AP3D1: variants seen among roughly 807,000 people sequenced by gnomAD.
The protein encoded by AP3D1 is AP-3 complex subunit delta-1.
AP3D1 carries 51 observed loss-of-function variants against 147.6 expected under a neutral mutation model. The ratio of observed to expected loss-of-function variants is 0.35; its 90% CI spans 0.28 to 0.44. The LOEUF is 0.44. AP3D1 is among the 20% of genes least tolerant of loss of function. The pLI is 1.00. For synonymous variants in AP3D1, 760 were observed against 663.0 expected, an observed-to-expected ratio of 1.15 and a Z score of -2.25; for missense variants, 1,421 against 1,624.2, an observed-to-expected ratio of 0.87 and a Z score of 2.15.
intron 1 of AP3D1, among the ~76,000 whole-genome samples, chr19:2,158,197 A>G (rs1261194203): frequency 1.3e-5 from 2 of 152,022 alleles, no homozygotes; most frequent in African/African-American, 2.4e-5. Flanking sequence ...CTGGGACTAC[A>G]GGCACCCGCC....
chr19:2,105,807 T>C (rs2018094685), intron 31 of AP3D1, among the ~76,000 whole-genome samples: 1 of 152,164 alleles, frequency 6.6e-6, no homozygotes, highest in Non-Finnish European at 1.5e-5. Flanking sequence ...GCAGAATGGC[T>C]GCCGTCAGCC....
At chr19:2,153,901 C>T (rs146657690), upstream of AP3D1, among the ~76,000 whole-genome samples, 3 of 82,756 alleles carry the variant, frequency 3.6e-5, no homozygotes, top group Non-Finnish European at 7.9e-5. Flanking sequence ...AATGCAGTGG[C>T]GCGATCTCCG....
chr19:2,119,647 G>C (rs2018554788), intron 14 of AP3D1, among the ~76,000 whole-genome samples: 1 of 130,004 alleles, frequency 7.7e-6, no homozygotes, highest in Non-Finnish European at 1.5e-5. Context: ...AGTGAGCCGA[G>C]ATCATGCCAC....
At chr19:2,148,539 T>C (rs906919815) in intron 1 of AP3D1, among the ~76,000 whole-genome samples, 1 of 152,236 alleles carries the variant, frequency 6.6e-6, no homozygotes, top group Non-Finnish European at 1.5e-5. Flanking sequence ...GCCTGAGGAC[T>C]GGAAAACAGT....
In AP3D1 at chr19:2,132,657, G is replaced by C. The variant is rs560676981; in HGVS notation, c.355-79C>G. The C allele has an allele frequency of 4.7e-5, 61 of 1,293,202 alleles. 2 individuals carry two copies. In the South Asian group the frequency reaches 7.4e-4, roughly 16 times the overall value. The allele number at this position is 1,293,202 out of a possible 1,614,324, so 80.1% of individuals were successfully genotyped here. ...ACGCCTGGGTCACCAGGAGCAGCAGGAGCGAAATTCTCCCAGGATGCCCCA... is the reference window on the plus strand; with the variant it reads ...ACGCCTGGGTCACCAGGAGCAGCAGCAGCGAAATTCTCCCAGGATGCCCCA... On this transcript the variant is annotated intron_variant, in intron 4 of 31. Transcript: ENST00000643116.
intron 1 of AP3D1, among the ~76,000 whole-genome samples, chr19:2,140,782 C>G (rs1268522513): frequency 8.7e-6 from 1 of 114,658 alleles, no homozygotes; most frequent in African/African-American, 3.2e-5. Flanking sequence ...TTTTTTGAGA[C>G]GGAGTCTCGC....
intron 1 of AP3D1, among the ~76,000 whole-genome samples, chr19:2,139,972 G>T (rs978868751): frequency 2.0e-5 from 3 of 152,016 alleles, no homozygotes; most frequent in Admixed American, 6.6e-5. Context: ...GAGTGGGGGG[G>T]TGGGGGAGGG....
rs769098920 is a variant in AP3D1, at chr19:2,120,895, T to C, written c.1448A>G (p.Tyr483Cys). Reference sequence around the variant, plus strand: ...CTCCCCGCAGATCCAGGCGGCAGCGTACAGCACCTCACAGATCCCGTTCCG... The same window carrying C: ...CTCCCCGCAGATCCAGGCGGCAGCGCACAGCACCTCACAGATCCCGTTCCG... ...TQRNGICEVLYAAAWICGEFS... is the reference protein window; with the variant it reads ...TQRNGICEVLCAAAWICGEFS... The change falls in exon 14 of 32, where the codon TAC (tyrosine) becomes TGC (cysteine). Residue 483 changes from tyrosine (Y) to cysteine (C), a missense_variant. By Grantham distance (194) the Tyr-to-Cys change is radical (BLOSUM62 -2). Coordinates refer to ENST00000643116, the MANE Select transcript of AP3D1 (RefSeq NM_001261826.3). The C allele has an allele frequency of 1.9e-5, 30 of 1,610,944 alleles. No homozygotes were observed. Among genetic ancestry groups the C allele is most frequent in the Non-Finnish European group, 2.4e-5 (28 of 1,180,010 alleles).
In AP3D1 at chr19:2,120,957, C is replaced by G; in HGVS notation, c.1386G>C (p.Leu462=). ...TGGCCAGCAGGTGTGCACTGTCAAG[C>G]AGCGCAGACATCTGGGACACGGCGA... is the stretch of plus-strand genomic sequence containing the variant. ...RKFAVSQMSA[L]LDSAHLLASS... Residue 462 remains leucine, a synonymous_variant, in exon 14 of 32, where the codon CTG becomes CTC. Transcript: ENST00000643116. 1 of 1,612,142 alleles carries G rather than the reference C, an allele frequency of 6.2e-7. No homozygotes were observed. Among genetic ancestry groups the G allele is most frequent in the South Asian group, 1.1e-5 (1 of 91,086 alleles).
intron 9 of AP3D1, among the ~76,000 whole-genome samples, chr19:2,126,531 A>ATAGTCCCTGCTACTCGGGAGGCTGAGG (rs2018759800): frequency 6.6e-6 from 1 of 151,694 alleles, no homozygotes; most frequent in African/African-American, 2.4e-5. Flanking sequence ...GCGGGCGCCT[A>ATAGTCCCTGCTACTCGGGAGGCTGAGG]TAGTCCCTGC....
At chr19:2,138,806 A>G in intron 1 of AP3D1, 92 bp from the exon 2 acceptor site, 1 of 904,568 alleles carries the variant, frequency 1.1e-6, no homozygotes. Context: ...TCACGCCTGT[A>G]ATCCCAGCAC....
At chr19:2,106,409 C>T (rs1011961500) in intron 31 of AP3D1, among the ~76,000 whole-genome samples, 2 of 152,016 alleles carry the variant, frequency 1.3e-5, no homozygotes, top group East Asian at 1.9e-4. Context: ...ATTAGTGGGG[C>T]GAGGTGGCAT....
rs149796851 is a variant in AP3D1, at chr19:2,136,191, C to T, written c.354+820G>A. ...CCCAGCTCTATAACCTTGCCCACAA[C>T]GGTGAGCCCAGCAGAGCCAACAGTC... is the stretch of plus-strand genomic sequence containing the variant. On this transcript the variant is annotated intron_variant, in intron 4 of 31. Transcript: ENST00000643116. 6.1e-3 allele frequency among the ~76,000 whole-genome samples: 935 copies of T among 152,374 alleles called. 3 individuals are homozygous for T. The highest frequency in any genetic ancestry group is 0.014 in the Middle Eastern group (4 of 294).
At chr19:2,142,041 CAG>C (rs910235253) in intron 1 of AP3D1, among the ~76,000 whole-genome samples, 16 of 151,080 alleles carry the variant, frequency 1.1e-4, no homozygotes, top group African/African-American at 3.7e-4. Flanking sequence ...TCTTTTGAGA[CAG>C]AGTTTTGCTC....
At chr19:2,128,473 G>A (rs4006064) in intron 8 of AP3D1, among the ~76,000 whole-genome samples, 14,418 of 54,068 alleles carry the variant, frequency 0.27, 835 homozygotes, top group Middle Eastern at 0.36. Context: ...GCCCGCCCCC[G>A]CCGCTCCGAC....
In AP3D1 at chr19:2,117,231, A is replaced by G; in HGVS notation, c.1850T>C (p.Val617Ala). Residue 617 changes from valine (V) to alanine (A), a missense_variant, in exon 16 of 32, where the codon GTC becomes GCC. Transcript: ENST00000643116. ...VAPKAQKKVP[V>A]PEGLDLDAWI... ...ACCCCCGTATCCTTACCCTTCGGGG[A>G]CTGGAACCTTCTTCTGGGCCTTGGG... 1 of 1,609,090 alleles carries G rather than the reference A, an allele frequency of 6.2e-7. No individual in the cohort carries two copies. Among genetic ancestry groups the G allele is most frequent in the Non-Finnish European group, 8.5e-7 (1 of 1,177,760 alleles).
upstream of AP3D1, among the ~76,000 whole-genome samples, chr19:2,151,979 A>G (rs1181111440): frequency 1.3e-5 from 2 of 152,212 alleles, no homozygotes; most frequent in African/African-American, 4.8e-5. Context: ...GAGAGCCTCC[A>G]AACCCAACTC....
At chr19:2,103,670 T>C (rs1257413893) in intron 31 of AP3D1, among the ~76,000 whole-genome samples, 6 of 152,078 alleles carry the variant, frequency 3.9e-5, no homozygotes, top group Non-Finnish European at 7.4e-5. Flanking sequence ...GGTGGTGTGC[T>C]TGGGGCCACA....
intron 14 of AP3D1, among the ~76,000 whole-genome samples, chr19:2,119,612 C>T (rs558685831): frequency 2.7e-5 from 4 of 146,068 alleles, no homozygotes; most frequent in African/African-American, 5.0e-5. Flanking sequence ...AGGAGAATGG[C>T]GTGAACCCAG....
Sources: allele counts gnomAD v4.1 joint callset (sites outside exome capture counted in the v4.1 genomes callset), GRCh38; gene constraint gnomAD v4.1.1; transcripts MANE v1.5; gene names NCBI Gene and HGNC (gene_info 2026-07-23, HGNC 2026-07-21).